Variants in CDH8 observed in about 807,000 individuals in gnomAD.
CDH8 encodes the protein cadherin-8.
In CDH8, 17 loss-of-function variants were observed where a neutral mutation model predicts 68.1. The observed-to-expected ratio is 0.25, with a 90% confidence interval of 0.17 to 0.37. The LOEUF (loss-of-function observed/expected upper bound fraction) is 0.37. CDH8 is among the 10% of genes least tolerant of loss of function. The probability of loss-of-function intolerance (pLI) is 1.00; values close to 1 mark genes in which losing one functional copy is unlikely to be tolerated. For missense variants in CDH8, 763 were observed against 999.3 expected (o/e 0.76, Z 3.19); for synonymous variants, 372 against 365.1 (o/e 1.02, Z -0.21).
rs2143201255 is a variant in CDH8, at chr16:61,892,516, A to G, written c.547+8663T>C. Among the ~76,000 whole-genome samples, 2 of 152,318 alleles carry G rather than the reference A, an allele frequency of 1.3e-5. 1 individual carries two copies. The highest frequency in any genetic ancestry group is 4.1e-4 in the South Asian group (2 of 4,828). On this transcript the variant is annotated intron_variant, in intron 3 of 11. Transcript: ENST00000577390. Reference sequence around the variant, plus strand: ...CTTTAATTTGGTGTTTATCAAATACATTTATACTTTTTTTTGCACTAAACC... The same window carrying G: ...CTTTAATTTGGTGTTTATCAAATACGTTTATACTTTTTTTTGCACTAAACC...
chr16:61,736,090 AGAAAGAAG>A (rs1240162341), intron 8 of CDH8, among the ~76,000 whole-genome samples: 1 of 142,512 alleles, frequency 7.0e-6, no homozygotes, highest in Non-Finnish European at 1.5e-5. Context: ...ATGAAAAACA[AGAAAGAAG>A]GAAAGAAAGA....
intron 8 of CDH8, among the ~76,000 whole-genome samples, chr16:61,744,628 T>A (rs1370239587): frequency 2.0e-5 from 3 of 151,728 alleles, no homozygotes; most frequent in Non-Finnish European, 4.4e-5. Flanking sequence ...TTCTTAGTTT[T>A]CCCCTTTTCT....
At chr16:61,898,930 A>T (rs1245537865) in intron 3 of CDH8, among the ~76,000 whole-genome samples, 2 of 152,162 alleles carry the variant, frequency 1.3e-5, no homozygotes, top group Admixed American at 6.6e-5. Context: ...TTCTACCCAA[A>T]AGTGACTGCT....
chr16:61,957,813 C>A (rs1319405253), intron 2 of CDH8, among the ~76,000 whole-genome samples: 1 of 152,078 alleles, frequency 6.6e-6, no homozygotes, highest in African/African-American at 2.4e-5. Context: ...CTCTGCTGAC[C>A]ACCGTACAGA....
intron 8 of CDH8, among the ~76,000 whole-genome samples, chr16:61,783,807 C>T (rs1961154961): frequency 1.3e-5 from 2 of 152,102 alleles, no homozygotes; most frequent in Admixed American, 1.3e-4. Flanking sequence ...AAAGAATTTT[C>T]AACCCAGAAT....
At chr16:61,897,298 G>T (rs904978247) in intron 3 of CDH8, among the ~76,000 whole-genome samples, 3 of 151,946 alleles carry the variant, frequency 2.0e-5, no homozygotes, top group Admixed American at 6.6e-5. Context: ...TGTCTCCCAG[G>T]CTGGAGTGCA....
intron 2 of CDH8, among the ~76,000 whole-genome samples, chr16:61,916,091 A>G (rs1324094877): frequency 1.3e-5 from 2 of 152,234 alleles, no homozygotes; most frequent in Admixed American, 6.5e-5. Flanking sequence ...GATGCTCACT[A>G]TATAATTCTG....
intron 10 of CDH8, among the ~76,000 whole-genome samples, chr16:61,706,490 G>A (rs1390905327): frequency 1.3e-5 from 2 of 151,834 alleles, no homozygotes; most frequent in Non-Finnish European, 2.9e-5. Flanking sequence ...GCGTGGTGGC[G>A]GGCGCCTGTA....
chr16:61,670,236 T>C (rs1596850106), intron 10 of CDH8, among the ~76,000 whole-genome samples: 1 of 152,110 alleles, frequency 6.6e-6, no homozygotes, highest in Non-Finnish European at 1.5e-5. Flanking sequence ...ACTGCTTCCT[T>C]TTGGGAAGAG....
chr16:61,789,555 A>C (rs950958579), intron 7 of CDH8, 73 bp from the exon 8 acceptor site: 1 of 1,367,796 alleles, frequency 7.3e-7, no homozygotes, highest in Non-Finnish European at 9.9e-7. Context: ...GACCTTTAGT[A>C]ATCCTTGGAG....
intron 8 of CDH8, among the ~76,000 whole-genome samples, chr16:61,730,666 G>A (rs904625258): frequency 6.6e-6 from 1 of 151,338 alleles, no homozygotes; most frequent in African/African-American, 2.4e-5. Flanking sequence ...TTCTTATTTA[G>A]TTGTAGATAT....
rs562851017 is a variant in CDH8 at position 61,982,719 on chromosome 16, T to C, written c.252+38433A>G. Among the ~76,000 whole-genome samples the C allele has an allele frequency of 1.3e-4, 20 of 152,352 alleles. No individual in the cohort carries two copies. The East Asian group carries it at 3.9e-3, about 29-fold the overall frequency. On this transcript the variant is annotated intron_variant, in intron 2 of 11. Coordinates refer to ENST00000577390, the MANE Select transcript of CDH8 (RefSeq NM_001796.5). ...CCATTCTTAATTCTAGAAGTAATTCTAGCAGTTTTAACTATCTGAAAGTAA... is the reference window on the plus strand; with the variant it reads ...CCATTCTTAATTCTAGAAGTAATTCCAGCAGTTTTAACTATCTGAAAGTAA...
chr16:62,029,942 C>G (rs1902285198), intron 1 of CDH8, among the ~76,000 whole-genome samples: 1 of 152,184 alleles, frequency 6.6e-6, no homozygotes, highest in Non-Finnish European at 1.5e-5. Flanking sequence ...GTTAAAATCA[C>G]TTACATCCCA....
intron 8 of CDH8, among the ~76,000 whole-genome samples, chr16:61,755,511 AAAT>A (rs1453114950): frequency 6.6e-6 from 1 of 152,140 alleles, no homozygotes; most frequent in African/African-American, 2.4e-5. Flanking sequence ...AAAATAGTAG[AAAT>A]AATAGGGTGA....
At chr16:61,678,414 A>G (rs1003046866) in intron 10 of CDH8, among the ~76,000 whole-genome samples, 17 of 152,064 alleles carry the variant, frequency 1.1e-4, no homozygotes, top group African/African-American at 3.6e-4. Context: ...TCTCAACACT[A>G]TTAACTGTTT....
At chr16:61,926,702 T>C (rs1456062235) in intron 2 of CDH8, among the ~76,000 whole-genome samples, 1 of 152,194 alleles carries the variant, frequency 6.6e-6, no homozygotes. Context: ...TTTGATTCAA[T>C]AGATTCCATT....
At chr16:61,810,737 G>A (rs968776645) in intron 7 of CDH8, among the ~76,000 whole-genome samples, 2 of 152,070 alleles carry the variant, frequency 1.3e-5, no homozygotes, top group African/African-American at 2.4e-5. Flanking sequence ...AGACTAGTTA[G>A]ATAAGGCTGA....
intron 4 of CDH8, among the ~76,000 whole-genome samples, chr16:61,843,702 A>T (rs559189259): frequency 1.4e-4 from 21 of 152,218 alleles, no homozygotes; most frequent in African/African-American, 4.6e-4. Flanking sequence ...TATGTGTGCA[A>T]GTGTCTTTAT....
intron 3 of CDH8, among the ~76,000 whole-genome samples, chr16:61,882,265 A>G (rs935673143): frequency 2.0e-4 from 31 of 152,202 alleles, no homozygotes; most frequent in Non-Finnish European, 4.1e-4. Context: ...CCAATATTTA[A>G]AATAATCATA....
Sources: gnomAD v4.1 joint callset for allele counts (sites outside exome capture counted in the v4.1 genomes callset) on GRCh38, gnomAD v4.1.1 for gene constraint, MANE v1.5 for transcripts, NCBI Gene and HGNC (gene_info 2026-07-23, HGNC 2026-07-21) for gene names.